Variants in CHN1 observed in about 807,000 individuals in gnomAD.
CHN1 encodes the protein chimerin 1, also known as N-chimaerin.
A neutral mutation model predicts 59.5 loss-of-function variants in CHN1; 37 were observed. The ratio of observed to expected loss-of-function variants is 0.62; its 90% confidence interval spans 0.48 to 0.82. The LOEUF (loss-of-function observed/expected upper bound fraction) is 0.82, where lower values mean the gene tolerates loss of function less well. Among genes scored for constraint, CHN1 ranks in the 40% least tolerant of loss-of-function variants. The pLI, the probability that CHN1 is intolerant of heterozygous loss-of-function variation, is 0.00. For missense variants in CHN1, 469 were observed against 571.0 expected (o/e 0.82, Z 1.82); for synonymous variants, 206 against 200.4 (o/e 1.03, Z -0.24).
intron 1 of CHN1, among the ~76,000 whole-genome samples, chr2:174,997,141 T>C (rs1691734463): frequency 6.6e-6 from 1 of 152,204 alleles, no homozygotes; most frequent in African/African-American, 2.4e-5. Flanking sequence ...ATTCATCAGA[T>C]AGATGGGTAA....
At chr2:174,885,360 C>T (rs1020229042) in intron 5 of CHN1, among the ~76,000 whole-genome samples, 7 of 151,688 alleles carry the variant, frequency 4.6e-5, no homozygotes, top group Non-Finnish European at 7.4e-5. Context: ...CGTAGTTTTG[C>T]TGGACATAAT....
intron 8 of CHN1, among the ~76,000 whole-genome samples, chr2:174,822,675 T>A (rs995805702): frequency 1.3e-5 from 2 of 152,046 alleles, no homozygotes; most frequent in Admixed American, 1.3e-4. Context: ...TTGGAAAGAG[T>A]ATTCCATCTG....
chr2:174,961,352 C>T (rs931272839), intron 1 of CHN1, among the ~76,000 whole-genome samples: 3 of 152,110 alleles, frequency 2.0e-5, no homozygotes, highest in Non-Finnish European at 4.4e-5. Flanking sequence ...TTTGGGAGGC[C>T]GATCACCTGA....
intron 3 of CHN1, among the ~76,000 whole-genome samples, chr2:174,931,133 CA>C (rs34575603): frequency 0.44 from 61,586 of 141,076 alleles, 12,638 homozygotes; most frequent in Admixed American, 0.53. Context: ...AAATATATGG[CA>C]AAAAAAAAAA....
intron 1 of CHN1, among the ~76,000 whole-genome samples, chr2:174,955,203 T>A (rs1442304133): frequency 2.5e-5 from 1 of 40,030 alleles, no homozygotes; most frequent in Non-Finnish European, 4.5e-5. Context: ...TATATATAAT[T>A]GATATATATA....
intron 7 of CHN1, 22 bp from the exon 8 acceptor site, chr2:174,824,540 A>G (rs1446589427): frequency 2.0e-6 from 3 of 1,522,566 alleles, no homozygotes; most frequent in Non-Finnish European, 2.7e-6. Context: ...AAAGAGGGGC[A>G]AAGTCAGGAA....
chr2:174,998,484 C>G (rs1393331512), intron 1 of CHN1, among the ~76,000 whole-genome samples: 1 of 152,148 alleles, frequency 6.6e-6, no homozygotes, highest in African/African-American at 2.4e-5. Context: ...ATATGTCTGA[C>G]ATATCCTTGT....
At position 174,856,468 on chromosome 2, in the gene CHN1, G is replaced by A. The variant is rs531710898; in HGVS notation, c.550-9511C>T. On this transcript the variant is annotated intron_variant, in intron 6 of 12. Transcript: ENST00000409900. ...TGACCAATTCACCTGCTCCCTGATC[G>A]ATTCACATGCAATAATATTTAAACA... Among the ~76,000 whole-genome samples the A allele has an allele frequency of 5.9e-5, 9 of 152,152 alleles. No individual in the cohort carries two copies. The South Asian group carries it at 1.7e-3, about 28-fold the overall frequency.
intron 8 of CHN1, among the ~76,000 whole-genome samples, chr2:174,814,293 C>A (rs1025786682): frequency 6.6e-6 from 1 of 152,198 alleles, no homozygotes; most frequent in African/African-American, 2.4e-5. Flanking sequence ...AGAGCTCAAT[C>A]TACACTATCT....
chr2:174,921,015 C>T (rs1431418762), intron 3 of CHN1: 1 of 414,058 alleles, frequency 2.4e-6, no homozygotes, highest in Non-Finnish European at 5.1e-6. Flanking sequence ...ATAGGGTTCG[C>T]GTTCCCATGA....
At chr2:174,947,474 C>CT (rs1025986409) in intron 2 of CHN1, among the ~76,000 whole-genome samples, 365 of 143,758 alleles carry the variant, frequency 2.5e-3, no homozygotes, top group African/African-American at 7.3e-3. Flanking sequence ...CTTTAAGACT[C>CT]TTTTTTTTTT....
intron 5 of CHN1, among the ~76,000 whole-genome samples, chr2:174,892,339 T>C (rs13418021): frequency 0.057 from 8,739 of 152,262 alleles, 399 homozygotes; most frequent in African/African-American, 0.13. Flanking sequence ...TAAATGGAAT[T>C]AAAGCCTTTA....
intron 1 of CHN1, among the ~76,000 whole-genome samples, chr2:174,987,256 A>C (rs2105457420): frequency 6.6e-6 from 1 of 152,280 alleles, no homozygotes. Context: ...TGCCCTCCTA[A>C]GCATCATGTT....
In CHN1 at chr2:174,926,006, T is replaced by TTA. The variant is rs574976910; in HGVS notation, c.115-7443_115-7442dup. On this transcript the variant is annotated intron_variant, in intron 3 of 12. Transcript: ENST00000409900. ...AACAATAGCATGGTTTGCATAAATG[T>TTA]TATATGCTATTTCACTGGAGAAAAA... Among the ~76,000 whole-genome samples the TTA allele has an allele frequency of 4.5e-3, 690 of 152,356 alleles. 6 individuals are homozygous for TTA. Among genetic ancestry groups the TTA allele is most frequent in the South Asian group, 0.012 (57 of 4,828 alleles).
At chr2:174,805,211 T>C (rs1440513430) in intron 11 of CHN1, among the ~76,000 whole-genome samples, 4 of 152,236 alleles carry the variant, frequency 2.6e-5, no homozygotes, top group Admixed American at 2.6e-4. Flanking sequence ...AAGGGCTTCA[T>C]AACTGTTACA....
At chr2:174,998,827 A>T (rs1691795514) in intron 1 of CHN1, among the ~76,000 whole-genome samples, 1 of 152,236 alleles carries the variant, frequency 6.6e-6, no homozygotes, top group African/African-American at 2.4e-5. Flanking sequence ...AAAGCTCTTA[A>T]AGGTTCTTGG....
At chr2:174,802,654 CAATT>C (rs1162899380) in intron 11 of CHN1, among the ~76,000 whole-genome samples, 1 of 152,190 alleles carries the variant, frequency 6.6e-6, no homozygotes, top group Non-Finnish European at 1.5e-5. Context: ...TAACTGAAAA[CAATT>C]AACATATTTG....
chr2:174,917,387 T>G (rs1574162165), intron 4 of CHN1, among the ~76,000 whole-genome samples: 1 of 150,574 alleles, frequency 6.6e-6, no homozygotes, highest in Non-Finnish European at 1.5e-5. Context: ...TGAACCGAGA[T>G]CGCACCATTG....
chr2:174,983,572 G>A (rs1268819994), intron 1 of CHN1, among the ~76,000 whole-genome samples: 2 of 152,094 alleles, frequency 1.3e-5, no homozygotes, highest in Non-Finnish European at 2.9e-5. Context: ...GCTCATGCTT[G>A]TAATCCCAGC....
Sources: gnomAD v4.1 joint callset for allele counts (sites outside exome capture counted in the v4.1 genomes callset) on GRCh38, gnomAD v4.1.1 for gene constraint, MANE v1.5 for transcripts, NCBI Gene and HGNC (gene_info 2026-07-23, HGNC 2026-07-21) for gene names.